The following TNS1 variants were observed in gnomAD, a reference collection of about 807,000 sequenced individuals.
TNS1 encodes tensin-1.
A neutral mutation model predicts 168.6 loss-of-function variants in TNS1; 62 were observed. The ratio of observed to expected loss-of-function variants is 0.37; its 90% CI spans 0.30 to 0.45. The LOEUF is 0.45. TNS1 is among the 20% of genes least tolerant of loss of function. The pLI is 1.00. For missense variants in TNS1, 2,240 were observed against 2,339.4 expected, an observed-to-expected ratio of 0.96 and a Z score of 0.88; for synonymous variants, 934 against 933.2, an observed-to-expected ratio of 1.00 and a Z score of -0.02.
chr2:217,826,544 C>T (rs1943645414), intron 22 of TNS1, among the ~76,000 whole-genome samples: 1 of 152,174 alleles, frequency 6.6e-6, no homozygotes, highest in Non-Finnish European at 1.5e-5. Flanking sequence ...AAAGAAAGTT[C>T]TTCCTAATTC....
chr2:217,835,956 G>A, intron 20 of TNS1, 59 bp downstream of exon 20: 1 of 1,469,432 alleles, frequency 6.8e-7, no homozygotes, highest in South Asian at 1.3e-5. Flanking sequence ...CAGGTTTCTG[G>A]AGATTTAAAG....
rs774569280 is a variant in TNS1 at position 217,893,490 on chromosome 2, C to G, written c.666G>C (p.Met222Ile). ...GAGGGTCTGCATTGAGCCATGTGTCCATGGCCTTACAGATGCTGCAGATCT... is the reference window on the plus strand; with the variant it reads ...GAGGGTCTGCATTGAGCCATGTGTCGATGGCCTTACAGATGCTGCAGATCT... ...LEKICSICKA[M>I]DTWLNADPHN... is the part of the protein sequence containing the mutation. Residue 222 changes from methionine (M) to isoleucine (I), a missense_variant, in exon 10 of 33, where the codon ATG (methionine) becomes ATC (isoleucine). Transcript: ENST00000682258. 1.2e-6 allele frequency: 2 copies of G among 1,613,356 alleles called. No homozygotes were observed. Among genetic ancestry groups the G allele is most frequent in the Non-Finnish European group, 1.7e-6 (2 of 1,179,634 alleles).
chr2:218,017,599 C>T (rs1278674047), intron 1 of TNS1, among the ~76,000 whole-genome samples: 1 of 152,252 alleles, frequency 6.6e-6, no homozygotes, highest in Admixed American at 6.5e-5. Flanking sequence ...AGGTGCAAAG[C>T]CAGCAAAGAG....
chr2:218,004,676 T>C (rs537710940), upstream of TNS1, among the ~76,000 whole-genome samples: 2 of 152,340 alleles, frequency 1.3e-5, no homozygotes, highest in East Asian at 3.9e-4. Context: ...TTTCCAGCCC[T>C]TCCTAAAGCA....
intron 4 of TNS1, among the ~76,000 whole-genome samples, chr2:217,917,070 T>G (rs1190641975): frequency 6.6e-6 from 1 of 152,214 alleles, no homozygotes; most frequent in East Asian, 1.9e-4. Flanking sequence ...TGAGTGCTCC[T>G]GGGGAAGCCA....
At position 217,848,249 on chromosome 2, in the gene TNS1, T is replaced by G. The variant is rs1946954464; in HGVS notation, c.2268A>C (p.Pro756=). The G allele has an allele frequency of 6.4e-7, 1 of 1,555,870 alleles. No individual in the cohort carries two copies. The highest frequency in any genetic ancestry group is 1.4e-5 in the African/African-American group (1 of 73,426). ...GGCTGCTTCCCCCTCGGACCGGAGCTGGGGGCAGCTGGGGTTCAGCTTCCG... is the reference window on the plus strand; with the variant it reads ...GGCTGCTTCCCCCTCGGACCGGAGCGGGGGGCAGCTGGGGTTCAGCTTCCG... The part of the protein sequence containing the change: ...SFSEAEPQLP[P]APVRGGSSRE... The change falls in exon 19 of 33, where the codon CCA becomes CCC. Residue 756 remains proline, a synonymous_variant. Coordinates refer to ENST00000682258, the MANE Select transcript of TNS1 (RefSeq NM_001387777.1).
intron 18 of TNS1, among the ~76,000 whole-genome samples, chr2:217,864,239 G>A (rs1239040072): frequency 6.6e-6 from 1 of 152,218 alleles, no homozygotes; most frequent in Non-Finnish European, 1.5e-5. Context: ...CCATGTCAGT[G>A]GCAGTCCTCA....
intron 3 of TNS1, among the ~76,000 whole-genome samples, chr2:217,950,026 G>C (rs914003139): frequency 6.6e-6 from 1 of 152,176 alleles, no homozygotes; most frequent in African/African-American, 2.4e-5. Flanking sequence ...TGGAGGTTTA[G>C]CATCTAGACC....
At chr2:217,996,268 C>G (rs1197718821) in intron 1 of TNS1, among the ~76,000 whole-genome samples, 1 of 152,204 alleles carries the variant, frequency 6.6e-6, no homozygotes, top group Non-Finnish European at 1.5e-5. Flanking sequence ...TCTCCACACA[C>G]AGGCCTAGGA....
intron 1 of TNS1, among the ~76,000 whole-genome samples, chr2:218,008,228 C>A (rs1958677077): frequency 6.6e-6 from 1 of 152,234 alleles, no homozygotes; most frequent in African/African-American, 2.4e-5. Context: ...CAATCTTGAT[C>A]TCTTCCCCAG....
At chr2:217,868,517 T>C (rs1172298971) in intron 18 of TNS1, among the ~76,000 whole-genome samples, 3 of 152,184 alleles carry the variant, frequency 2.0e-5, no homozygotes, top group South Asian at 2.1e-4. Context: ...CGGGGAAGCA[T>C]TTTATAAAGT....
chr2:217,967,339 A>G (rs1250824834), intron 3 of TNS1, among the ~76,000 whole-genome samples: 1 of 152,018 alleles, frequency 6.6e-6, no homozygotes, highest in Admixed American at 6.6e-5. Flanking sequence ...ATAAATAAAT[A>G]AATAAAAATA....
At chr2:217,975,013 G>C (rs1180047208) in intron 3 of TNS1, among the ~76,000 whole-genome samples, 1 of 152,218 alleles carries the variant, frequency 6.6e-6, no homozygotes, top group South Asian at 2.1e-4. Flanking sequence ...TCCAAGGATA[G>C]TGTATAAAAG....
At chr2:217,884,625 G>A (rs1020000915) in intron 16 of TNS1, among the ~76,000 whole-genome samples, 4 of 152,158 alleles carry the variant, frequency 2.6e-5, no homozygotes, top group South Asian at 2.1e-4. Flanking sequence ...CACCAAGGCA[G>A]AGACCATGCC....
rs188804149 is a variant in TNS1, at chr2:217,926,992, C to T, written c.187-6756G>A. 2.1e-3 allele frequency among the ~76,000 whole-genome samples: 313 copies of T among 152,312 alleles called. 1 individual carries two copies. Among genetic ancestry groups the T allele is most frequent in the Admixed American group, 6.9e-3 (105 of 15,310 alleles). On this transcript the variant is annotated intron_variant, in intron 3 of 32. Transcript: ENST00000682258. ...AAAACTCAGGGGCCCCAGGCAGGCTCCATGGAGCAAGGGCACCTGAGCCTG... is the reference window on the plus strand; with the variant it reads ...AAAACTCAGGGGCCCCAGGCAGGCTTCATGGAGCAAGGGCACCTGAGCCTG...
rs4674226 is a variant in TNS1, at chr2:217,924,861, C to T, written c.187-4625G>A. Among the ~76,000 whole-genome samples the T allele has an allele frequency of 0.018, 2,746 of 152,278 alleles. 133 individuals carry two copies. The East Asian group carries it at 0.2, about 11-fold the overall frequency. On this transcript the variant is annotated intron_variant, in intron 3 of 32. Transcript: ENST00000682258. ...AGATCTTGGCCCTTTGGGTGTCTGG[C>T]GCAGTGGTTATGCAGTGGTGGCCCA...
intron 23 of TNS1, among the ~76,000 whole-genome samples, chr2:217,821,231 A>T (rs547480221): frequency 6.6e-6 from 1 of 152,288 alleles, no homozygotes; most frequent in South Asian, 2.1e-4. Context: ...GGGCTCTGGA[A>T]TCACACGCTT....
At chr2:217,830,060 G>A (rs572963183) in intron 22 of TNS1, 127 of 880,018 alleles carry the variant, frequency 1.4e-4, no homozygotes, top group Middle Eastern at 5.7e-4. Context: ...GGCCAGGGCC[G>A]ATTTGCGCTG....
intron 27 of TNS1, 63 bp from the exon 28 acceptor site, chr2:217,812,508 C>T (rs1482215714): frequency 1.5e-6 from 2 of 1,368,626 alleles, no homozygotes; most frequent in Non-Finnish European, 2.1e-6. Context: ...GAAACCTCCA[C>T]CTCTACCCTT....
Sources: allele counts gnomAD v4.1 joint callset (sites outside exome capture counted in the v4.1 genomes callset), GRCh38; gene constraint gnomAD v4.1.1; transcripts MANE v1.5; gene names NCBI Gene and HGNC (gene_info 2026-07-23, HGNC 2026-07-21).